CMTM4: variants seen among roughly 807,000 people sequenced by gnomAD.
CMTM4 encodes CKLF like MARVEL transmembrane domain containing 4, also known as CKLF-like MARVEL transmembrane domain-containing protein 4.
Under a neutral mutation model 19.0 loss-of-function variants are expected in CMTM4, and 8 were observed. The ratio of observed to expected loss-of-function variants is 0.42; its 90% CI spans 0.25 to 0.76. CMTM4 has a LOEUF of 0.76. CMTM4 is among the 30% of genes least tolerant of loss of function. CMTM4 has a pLI of 0.27. For missense variants in CMTM4, 228 were observed against 290.2 expected (o/e 0.79, Z 1.56); for synonymous variants, 106 against 121.1 (o/e 0.88, Z 0.82).
the CMTM4 span, among the ~76,000 whole-genome samples, chr16:66,605,897 C>T: frequency 6.6e-6 from 1 of 152,114 alleles, no homozygotes; most frequent in Non-Finnish European, 1.5e-5. This position sits in a 1 kb window ranked among gnomAD's most constrained non-coding sequence, Gnocchi z 4.6. Flanking sequence ...CAGAGGCCAC[C>T]TGCCCAACGC....
At chr16:66,683,199 A>ATATATACG (rs2016970117) in intron 1 of CMTM4, among the ~76,000 whole-genome samples, 16 of 126,242 alleles carry the variant, frequency 1.3e-4, no homozygotes, top group African/African-American at 4.4e-4. Context: ...ATATACATAT[A>ATATATACG]TATATATATA....
At chr16:66,630,368 A>ACGGTCTCC (rs1261126809) in intron 2 of CMTM4, among the ~76,000 whole-genome samples, 4 of 116,196 alleles carry the variant, frequency 3.4e-5, no homozygotes, top group Non-Finnish European at 5.1e-5. Flanking sequence ...CTCTCTTTCC[A>ACGGTCTCC]CGGTCTCCCT....
chr16:66,638,685 C>T (rs751813773), intron 1 of CMTM4, among the ~76,000 whole-genome samples: 2 of 151,904 alleles, frequency 1.3e-5, no homozygotes, highest in African/African-American at 4.8e-5. Flanking sequence ...ACGGTGAAAC[C>T]CCGTCTCTAC....
intron 2 of CMTM4, among the ~76,000 whole-genome samples, chr16:66,624,565 G>A (rs908524744): frequency 6.6e-6 from 1 of 152,172 alleles, no homozygotes; most frequent in Non-Finnish European, 1.5e-5. Context: ...TCAGGTGTTC[G>A]AGAACAGCCT....
chr16:66,618,487 G>C lies in CMTM4; in HGVS notation c.*3571C>G, dbSNP rs186305598. The C allele has an allele frequency of 3.0e-6, 3 of 985,360 alleles. No individual in the cohort carries two copies. The African/African-American group carries it at 5.2e-5, about 17-fold the overall frequency. The allele number at this position is 985,360 out of a possible 1,614,324, so 61.0% of individuals were successfully genotyped here. A position where few individuals can be genotyped will look rare whatever the true frequency, so the allele number is the denominator to read the frequency against. On this transcript the variant is annotated 3_prime_UTR_variant, in exon 4 of 4. Coordinates refer to ENST00000394106, the MANE Select transcript of CMTM4 (RefSeq NM_181521.3). ...CCACAGAAAATCTGGCACAGAAAGGGATTAGACCTCAGTCCACCTCTCAGA... is the reference window on the plus strand; with the variant it reads ...CCACAGAAAATCTGGCACAGAAAGGCATTAGACCTCAGTCCACCTCTCAGA...
chr16:66,646,860 C>T (rs2016211637), intron 1 of CMTM4, among the ~76,000 whole-genome samples: 1 of 152,002 alleles, frequency 6.6e-6, no homozygotes, highest in Non-Finnish European at 1.5e-5. Flanking sequence ...GTGTGCACCA[C>T]CACACCCGGC....
chr16:66,605,018 G>C, the CMTM4 span: 1 of 1,341,124 alleles, frequency 7.5e-7, no homozygotes, highest in Non-Finnish European at 9.6e-7. The surrounding 1 kb of genome is among the most constrained non-coding windows in gnomAD (Gnocchi z 4.6). Context: ...GGAGGACGTC[G>C]GGGCGCGGGT....
At position 66,622,299 on chromosome 16, in the gene CMTM4, A is replaced by T. The variant is rs2015655130; in HGVS notation, c.463-77T>A. On this transcript the variant is annotated intron_variant, in intron 3 of 3. Coordinates refer to ENST00000394106, the MANE Select transcript of CMTM4 (RefSeq NM_181521.3). This position sits in a 1 kb window ranked among gnomAD's most constrained non-coding sequence, Gnocchi z 4.0. ...AGGCTTCTGTGGTGACCCAAGCCAC[A>T]TGCAGCCCCTTCCTGCTCTGCCAGC... is the stretch of plus-strand genomic sequence containing the variant. 2 of 1,504,926 alleles carry T rather than the reference A, an allele frequency of 1.3e-6. No individual in the cohort carries two copies. Among genetic ancestry groups the T allele is most frequent in the Admixed American group, 1.9e-5 (1 of 53,174 alleles). 93.2% of individuals were successfully genotyped at this position (1,504,926 alleles called of 1,614,324 possible).
At chr16:66,649,009 G>A (rs1357947116) in intron 1 of CMTM4, among the ~76,000 whole-genome samples, 1 of 152,074 alleles carries the variant, frequency 6.6e-6, no homozygotes, top group Non-Finnish European at 1.5e-5. Flanking sequence ...GAAAAGAAAA[G>A]AGAAATCTTA....
At chr16:66,689,475 G>A (rs1403600931) in intron 1 of CMTM4, among the ~76,000 whole-genome samples, 6 of 152,142 alleles carry the variant, frequency 3.9e-5, no homozygotes, top group Non-Finnish European at 8.8e-5. Context: ...GTAGTGGCAC[G>A]ATCGCGGCTC....
At chr16:66,634,942 C>T (rs900075273) in intron 2 of CMTM4, among the ~76,000 whole-genome samples, 1 of 152,180 alleles carries the variant, frequency 6.6e-6, no homozygotes, top group African/African-American at 2.4e-5. Flanking sequence ...CCAGCAGCTG[C>T]TTCTTTGTCA....
downstream of CMTM4, chr16:66,609,809 C>T: frequency 6.2e-7 from 1 of 1,613,950 alleles, no homozygotes; most frequent in Non-Finnish European, 8.5e-7. This position sits in a 1 kb window ranked among gnomAD's most constrained non-coding sequence, Gnocchi z 4.4. Flanking sequence ...CTGAAATGGG[C>T]CGTGAGGCTG....
intron 1 of CMTM4, among the ~76,000 whole-genome samples, chr16:66,673,374 A>AT (rs962544367): frequency 2.7e-5 from 4 of 150,308 alleles, no homozygotes; most frequent in African/African-American, 9.8e-5. Context: ...TGCTCAGCTA[A>AT]TTTTTTTATT....
At chr16:66,660,116 G>C (rs79542454) in intron 1 of CMTM4, among the ~76,000 whole-genome samples, 2 of 152,110 alleles carry the variant, frequency 1.3e-5, no homozygotes, top group African/African-American at 4.8e-5. Context: ...GGCAGAGCAC[G>C]GTGGCTCATG....
chr16:66,623,357 C>T (rs775398976), intron 3 of CMTM4, 47 bp downstream of exon 3: 2 of 1,441,432 alleles, frequency 1.4e-6, no homozygotes, highest in South Asian at 1.2e-5. Context: ...GAGCAGGTCA[C>T]AGGAGGTCCC....
the CMTM4 span, among the ~76,000 whole-genome samples, chr16:66,598,507 A>T: frequency 2.6e-5 from 4 of 152,200 alleles, no homozygotes; most frequent in Non-Finnish European, 5.9e-5. Flanking sequence ...TGACAAATGT[A>T]GGTCCCTGTG....
At chr16:66,653,841 C>T (rs1281276752) in intron 1 of CMTM4, among the ~76,000 whole-genome samples, 1 of 152,170 alleles carries the variant, frequency 6.6e-6, no homozygotes, top group Non-Finnish European at 1.5e-5. Context: ...TCAAGCAATT[C>T]TCCCTGCCTC....
At chr16:66,607,179 G>A in the CMTM4 span, among the ~76,000 whole-genome samples, 1 of 152,222 alleles carries the variant, frequency 6.6e-6, no homozygotes, top group Non-Finnish European at 1.5e-5. Context: ...GGAGCCCCAG[G>A]CTGGCCAACA....
At chr16:66,611,109 A>G (rs11861926), downstream of CMTM4, 1,274 of 383,212 alleles carry the variant, frequency 3.3e-3, 17 homozygotes, top group African/African-American at 0.024. Context: ...AGAGTTTCAC[A>G]TATGTAACAA....
Sources: gnomAD v4.1 joint callset for allele counts (sites outside exome capture counted in the v4.1 genomes callset) on GRCh38, gnomAD v4.1.1 for gene constraint, Gnocchi (gnomAD v3.1) non-coding constraint, MANE v1.5 for transcripts, NCBI Gene and HGNC (gene_info 2026-07-23, HGNC 2026-07-21) for gene names.